KIAA1549L: variants seen among roughly 807,000 people sequenced by gnomAD.
KIAA1549L encodes the protein UPF0606 protein KIAA1549L.
KIAA1549L carries 88 observed loss-of-function variants against 160.7 expected under a neutral mutation model. That is an observed-to-expected ratio of 0.55 (90% CI 0.46 to 0.65). KIAA1549L has a LOEUF of 0.65. KIAA1549L is among the 30% of genes least tolerant of loss of function. The pLI is 0.00. For missense variants in KIAA1549L, 2,258 were observed against 2,437.5 expected (o/e 0.93, Z 1.55); for synonymous variants, 950 against 976.7 (o/e 0.97, Z 0.51).
chr11:33,632,194 T>G (rs1196337670), intron 16 of KIAA1549L, among the ~76,000 whole-genome samples: 1 of 152,226 alleles, frequency 6.6e-6, no homozygotes, highest in Non-Finnish European at 1.5e-5. Context: ...AGTCTGTTCC[T>G]CTGCATTATA....
chr11:33,484,026 T>C (rs1454968790), intron 1 of KIAA1549L, among the ~76,000 whole-genome samples: 3 of 152,220 alleles, frequency 2.0e-5, no homozygotes, highest in Non-Finnish European at 4.4e-5. Flanking sequence ...GAGGGATGCA[T>C]ATGGCTTTAT....
intron 3 of KIAA1549L, among the ~76,000 whole-genome samples, chr11:33,547,200 TC>T (rs1354075576): frequency 1.3e-5 from 2 of 152,278 alleles, no homozygotes; most frequent in Admixed American, 1.3e-4. Flanking sequence ...AAGCATCAGT[TC>T]CTATGGAAAT....
intron 11 of KIAA1549L, among the ~76,000 whole-genome samples, chr11:33,590,011 C>T (rs1850001576): frequency 1.3e-5 from 2 of 152,156 alleles, no homozygotes; most frequent in Non-Finnish European, 2.9e-5. Flanking sequence ...AAAAAAATCA[C>T]TGCTGTCCAT....
At chr11:33,650,531 T>G (rs954813517) in intron 17 of KIAA1549L, among the ~76,000 whole-genome samples, 1 of 152,138 alleles carries the variant, frequency 6.6e-6, no homozygotes, top group Non-Finnish European at 1.5e-5. Flanking sequence ...GGTCCCTGTT[T>G]GTCCTCATCT....
At chr11:33,616,596 G>A (rs1440469459) in intron 15 of KIAA1549L, among the ~76,000 whole-genome samples, 2 of 152,216 alleles carry the variant, frequency 1.3e-5, no homozygotes, top group Admixed American at 6.5e-5. Context: ...CATGGTGAAG[G>A]TCTAGAACCA....
chr11:33,385,229 A>G (rs1033402300), intron 1 of KIAA1549L, among the ~76,000 whole-genome samples: 1 of 152,312 alleles, frequency 6.6e-6, no homozygotes, highest in Admixed American at 6.5e-5. Context: ...TCCTTGGTCC[A>G]TTGACTTATC....
At chr11:33,633,810 T>G (rs1851367423) in intron 16 of KIAA1549L, among the ~76,000 whole-genome samples, 1 of 152,232 alleles carries the variant, frequency 6.6e-6, no homozygotes, top group South Asian at 2.1e-4. Context: ...ACTTACAAGC[T>G]ACGTGAAGTT....
chr11:33,474,013 A>T (rs1158665456), intron 1 of KIAA1549L, among the ~76,000 whole-genome samples: 1 of 152,158 alleles, frequency 6.6e-6, no homozygotes, highest in Non-Finnish European at 1.5e-5. Context: ...GGGAAAGTGC[A>T]CCAGCATCTC....
rs370408930 is a variant in KIAA1549L, at chr11:33,417,727, C to A, written c.238+40838C>A. On this transcript the variant is annotated intron_variant, in intron 1 of 20. Coordinates refer to ENST00000658780, the MANE Select transcript of KIAA1549L (RefSeq NM_012194.3). ...CTACTCTAGGGAGCTCCCCATCCCT[C>A]TTTTCCTGCTTTGATTTTCTTTTCC... 6.6e-4 allele frequency among the ~76,000 whole-genome samples: 101 copies of A among 152,288 alleles called. 3 individuals carry two copies. In the South Asian group the frequency reaches 0.02, roughly 30 times the overall value.
intron 9 of KIAA1549L, among the ~76,000 whole-genome samples, chr11:33,571,755 C>T (rs947592569): frequency 6.6e-5 from 10 of 152,150 alleles, no homozygotes; most frequent in African/African-American, 2.2e-4. Flanking sequence ...TGGGATTACA[C>T]AATTCAACAT....
intron 11 of KIAA1549L, among the ~76,000 whole-genome samples, chr11:33,590,290 G>A (rs1395069281): frequency 6.6e-6 from 1 of 152,136 alleles, no homozygotes; most frequent in East Asian, 1.9e-4. Context: ...CTTACCCAAG[G>A]TCACACAGCT....
chr11:33,462,983 T>C (rs1215775581), intron 1 of KIAA1549L, among the ~76,000 whole-genome samples: 1 of 152,006 alleles, frequency 6.6e-6, no homozygotes, highest in Non-Finnish European at 1.5e-5. Flanking sequence ...TGCGCCACCA[T>C]GCCTGGCTAA....
chr11:33,599,048 G>A (rs564394273), intron 13 of KIAA1549L, 101 bp downstream of exon 13: 2 of 1,376,070 alleles, frequency 1.5e-6, no homozygotes, highest in South Asian at 2.6e-5. Flanking sequence ...CAGCCACTGG[G>A]CTCTGACCCT....
chr11:33,625,533 GT>G (rs1455132403), intron 16 of KIAA1549L, among the ~76,000 whole-genome samples: 2 of 152,158 alleles, frequency 1.3e-5, no homozygotes, highest in Non-Finnish European at 2.9e-5. Context: ...TTTTTCATGT[GT>G]TTTTTGGCTG....
chr11:33,634,705 G>A (rs989136994), intron 16 of KIAA1549L, among the ~76,000 whole-genome samples: 2 of 152,152 alleles, frequency 1.3e-5, no homozygotes, highest in Non-Finnish European at 2.9e-5. Context: ...TTTTATCCTT[G>A]TCTGTCCCAT....
intron 16 of KIAA1549L, among the ~76,000 whole-genome samples, chr11:33,635,670 CTAGATAAAACTGTTTCATTCATTT>C (rs1257997915): frequency 6.6e-6 from 1 of 150,384 alleles, no homozygotes; most frequent in African/African-American, 2.4e-5. Context: ...TAAGCCCATT[CTAGATAAAACTGTTTCATTCATTT>C]TAGACAAAAC....
At chr11:33,420,419 G>T (rs574287567) in intron 1 of KIAA1549L, among the ~76,000 whole-genome samples, 46 of 151,806 alleles carry the variant, frequency 3.0e-4, no homozygotes, top group Non-Finnish European at 5.4e-4. Context: ...CAGAGACAAG[G>T]GCTCACCATA....
intron 1 of KIAA1549L, among the ~76,000 whole-genome samples, chr11:33,480,393 C>T (rs1852385088): frequency 6.6e-6 from 1 of 152,126 alleles, no homozygotes; most frequent in African/African-American, 2.4e-5. Context: ...GGATAATACT[C>T]AATTGTATAG....
At position 33,670,091 on chromosome 11, in the gene KIAA1549L, T is replaced by G. The variant is rs1196989820; in HGVS notation, c.*1937T>G. On this transcript the variant is annotated 3_prime_UTR_variant, in exon 21 of 21. Coordinates refer to ENST00000658780, the MANE Select transcript of KIAA1549L (RefSeq NM_012194.3). Reference sequence around the variant, plus strand: ...CTATCCACATAGGCATTCAATGCACTTGAATGAACAAAGAGCCAAAGAAAC... The same window carrying G: ...CTATCCACATAGGCATTCAATGCACGTGAATGAACAAAGAGCCAAAGAAAC... 2 of 152,240 alleles carry G rather than the reference T, an allele frequency of 1.3e-5. No individual in the cohort carries two copies. The highest frequency in any genetic ancestry group is 4.8e-5 in the African/African-American group (2 of 41,466). The allele number at this position is 152,240 out of a possible 1,614,324, so 9.4% of individuals were successfully genotyped here.
Sources: gnomAD v4.1 joint callset for allele counts (sites outside exome capture counted in the v4.1 genomes callset) on GRCh38, gnomAD v4.1.1 for gene constraint, MANE v1.5 for transcripts, NCBI Gene and HGNC (gene_info 2026-07-23, HGNC 2026-07-21) for gene names.